GABRG3: variants seen among roughly 807,000 people sequenced by gnomAD.
GABRG3 encodes gamma-aminobutyric acid receptor subunit gamma-3.
A neutral mutation model predicts 48.8 loss-of-function variants in GABRG3; 25 were observed. That is an observed-to-expected ratio of 0.51 (90% CI 0.37 to 0.72). The LOEUF (loss-of-function observed/expected upper bound fraction) is 0.72, where lower values mean the gene tolerates loss of function less well. Ranked by LOEUF, GABRG3 falls within the 30% of genes least tolerant of loss-of-function variation. GABRG3 has a pLI of 0.00. For missense variants in GABRG3, 394 were observed against 577.9 expected, an observed-to-expected ratio of 0.68 and a Z score of 3.26; for synonymous variants, 227 against 217.6, an observed-to-expected ratio of 1.04 and a Z score of -0.38.
Position 27,228,671 on chromosome 15 carries a change from T to C in GABRG3, c.271-98138T>C, listed in dbSNP as rs571824296. Among the ~76,000 whole-genome samples, 127 of 152,348 alleles carry C rather than the reference T, an allele frequency of 8.3e-4. 1 individual carries two copies. The highest frequency in any genetic ancestry group is 9.2e-4 in the Admixed American group (14 of 15,294). The stretch of plus-strand genomic sequence containing the variant: ...TTTCCAGAATGGTTGAACTAATTTA[T>C]GCTCCCACCAACAGTGTATAAGGGT... On this transcript the variant is annotated intron_variant, in intron 3 of 9. Transcript: ENST00000615808.
At chr15:26,993,277 G>A (rs889777825) in intron 2 of GABRG3, among the ~76,000 whole-genome samples, 1 of 151,710 alleles carries the variant, frequency 6.6e-6, no homozygotes, top group Non-Finnish European at 1.5e-5. Context: ...TGATTTTCTA[G>A]TTCTTTAGAG....
chr15:27,490,750 C>T (rs530151060), intron 6 of GABRG3, among the ~76,000 whole-genome samples: 6 of 152,304 alleles, frequency 3.9e-5, no homozygotes, highest in Middle Eastern at 3.4e-3. Flanking sequence ...CACTGCTCTT[C>T]GGATGTTGCT....
At chr15:27,074,859 G>C (rs969486852) in intron 3 of GABRG3, among the ~76,000 whole-genome samples, 1 of 152,052 alleles carries the variant, frequency 6.6e-6, no homozygotes, top group Non-Finnish European at 1.5e-5. Context: ...AAGAAATGTT[G>C]GGGTTGGTTT....
At chr15:27,195,884 C>T (rs979573957) in intron 3 of GABRG3, among the ~76,000 whole-genome samples, 7 of 152,224 alleles carry the variant, frequency 4.6e-5, no homozygotes, top group Non-Finnish European at 8.8e-5. Context: ...ATCTGCCTGT[C>T]TCAGCCTCCC....
chr15:27,381,971 T>C (rs114740267), intron 5 of GABRG3, among the ~76,000 whole-genome samples: 2,205 of 152,258 alleles, frequency 0.014, 53 homozygotes, highest in African/African-American at 0.051. Context: ...ATTACAAGAG[T>C]AGCATGAGGA....
intron 3 of GABRG3, among the ~76,000 whole-genome samples, chr15:27,255,479 G>A (rs1477221198): frequency 4.6e-5 from 7 of 152,172 alleles, no homozygotes; most frequent in African/African-American, 1.4e-4. Flanking sequence ...GGGACAAAAC[G>A]GAACTAAATA....
chr15:27,306,313 T>G (rs1892439521), intron 3 of GABRG3, among the ~76,000 whole-genome samples: 1 of 135,522 alleles, frequency 7.4e-6, no homozygotes, highest in African/African-American at 2.9e-5. Flanking sequence ...ATATATAATA[T>G]AAACATGTCT....
chr15:27,169,703 C>T (rs1028567359), intron 3 of GABRG3, among the ~76,000 whole-genome samples: 3 of 152,262 alleles, frequency 2.0e-5, no homozygotes, highest in African/African-American at 7.2e-5. Context: ...CAGAATACCA[C>T]GGGCAGGGAG....
chr15:27,106,050 CACTT>C (rs1471230855), intron 3 of GABRG3, among the ~76,000 whole-genome samples: 2 of 151,976 alleles, frequency 1.3e-5, no homozygotes, highest in Admixed American at 1.3e-4. Flanking sequence ...TGCATGATCT[CACTT>C]ATATATGCAA....
chr15:27,407,446 A>C (rs539596531), intron 5 of GABRG3, among the ~76,000 whole-genome samples: 2 of 152,318 alleles, frequency 1.3e-5, no homozygotes, highest in Non-Finnish European at 2.9e-5. Context: ...GTGACCCAGC[A>C]GTCACACTCC....
intron 3 of GABRG3, among the ~76,000 whole-genome samples, chr15:27,297,519 T>C (rs1892037061): frequency 6.6e-6 from 1 of 152,234 alleles, no homozygotes; most frequent in Non-Finnish European, 1.5e-5. Context: ...CTTAACATTG[T>C]GTTACAATTC....
chr15:27,163,873 G>A (rs1054793689), intron 3 of GABRG3, among the ~76,000 whole-genome samples: 13 of 152,264 alleles, frequency 8.5e-5, no homozygotes, highest in South Asian at 2.1e-4. Context: ...GGCAGGGAAC[G>A]TGCAGGTCTT....
intron 3 of GABRG3, among the ~76,000 whole-genome samples, chr15:27,055,377 A>G (rs74713424): frequency 0.018 from 2,814 of 152,302 alleles, 99 homozygotes; most frequent in African/African-American, 0.065. Flanking sequence ...CTAATGTTAT[A>G]AGTATTTATT....
chr15:27,122,826 A>AC (rs1360624660), intron 3 of GABRG3, among the ~76,000 whole-genome samples: 1 of 151,896 alleles, frequency 6.6e-6, no homozygotes, highest in Non-Finnish European at 1.5e-5. Flanking sequence ...AGCAGCGGAG[A>AC]CCCCCTTCAC....
chr15:27,305,377 A>C (rs569990028), intron 3 of GABRG3, among the ~76,000 whole-genome samples: 59 of 151,204 alleles, frequency 3.9e-4, no homozygotes, highest in African/African-American at 1.4e-3. Flanking sequence ...AAATAAAGAA[A>C]TAGAGAGTCA....
chr15:27,271,180 AC>A (rs1345392271), intron 3 of GABRG3, among the ~76,000 whole-genome samples: 1 of 152,170 alleles, frequency 6.6e-6, no homozygotes, highest in Non-Finnish European at 1.5e-5. Flanking sequence ...AACAAGGAGT[AC>A]CCGAGAGGAC....
chr15:27,092,271 AG>A (rs1897199289), intron 3 of GABRG3, among the ~76,000 whole-genome samples: 1 of 152,128 alleles, frequency 6.6e-6, no homozygotes, highest in South Asian at 2.1e-4. Flanking sequence ...GGGAATCTTT[AG>A]GGGGGATGGT....
intron 3 of GABRG3, among the ~76,000 whole-genome samples, chr15:27,310,687 A>C (rs1341297419): frequency 1.3e-5 from 2 of 152,126 alleles, no homozygotes; most frequent in Non-Finnish European, 2.9e-5. Flanking sequence ...TCTGAATAAA[A>C]AGAAGAAGTT....
At chr15:27,524,928 A>G (rs1891238550) in intron 7 of GABRG3, among the ~76,000 whole-genome samples, 1 of 152,206 alleles carries the variant, frequency 6.6e-6, no homozygotes, top group Non-Finnish European at 1.5e-5. Context: ...AGCAGAGAGG[A>G]TTAAAAAAAT....
Sources: gnomAD v4.1 joint callset for allele counts (sites outside exome capture counted in the v4.1 genomes callset) on GRCh38, gnomAD v4.1.1 for gene constraint, MANE v1.5 for transcripts, NCBI Gene and HGNC (gene_info 2026-07-23, HGNC 2026-07-21) for gene names.